ESYT3: variants seen among roughly 807,000 people sequenced by gnomAD.
The protein encoded by ESYT3 is extended synaptotagmin 3, also known as extended synaptotagmin-3.
A neutral mutation model predicts 111.5 loss-of-function variants in ESYT3; 101 were observed. The ratio of observed to expected loss-of-function variants is 0.91; its 90% CI spans 0.77 to 1.07. The LOEUF (loss-of-function observed/expected upper bound fraction) is 1.07. Ranked by LOEUF, ESYT3 falls within the 50% of genes least tolerant of loss-of-function variation. The pLI is 0.00. For missense variants in ESYT3, 1,097 were observed against 1,109.4 expected (o/e 0.99, Z 0.16); for synonymous variants, 416 against 446.8 (o/e 0.93, Z 0.87).
At chr3:138,465,237 G>T in intron 9 of ESYT3, 102 bp from the exon 10 acceptor site, 3 of 798,532 alleles carry the variant, frequency 3.8e-6, no homozygotes, top group Non-Finnish European at 6.2e-6. Context: ...CACTGAGGGG[G>T]TCAGGAACCT....
chr3:138,434,691 C>A lies in ESYT3; in HGVS notation c.-108C>A, dbSNP rs912247035. ...CGAGAGTCCCAGCAGGGCAAGGGGGCGCGGCGTCCTGGTCCTCGAGCTTGG... is the reference window on the plus strand; with the variant it reads ...CGAGAGTCCCAGCAGGGCAAGGGGGAGCGGCGTCCTGGTCCTCGAGCTTGG... On this transcript the variant is annotated 5_prime_UTR_variant, in exon 1 of 23. Transcript: ENST00000389567. 1 of 1,019,774 alleles carries A rather than the reference C, an allele frequency of 9.8e-7. No individual in the cohort carries two copies. The allele number at this position is 1,019,774 out of a possible 1,614,324, so 63.2% of individuals were successfully genotyped here.
At chr3:138,445,204 C>T (rs2031451080) in intron 1 of ESYT3, among the ~76,000 whole-genome samples, 1 of 152,214 alleles carries the variant, frequency 6.6e-6, no homozygotes, top group African/African-American at 2.4e-5. Flanking sequence ...CTAGCTGGTC[C>T]CAGAGACTCC....
intron 15 of ESYT3, 45 bp from the exon 16 acceptor site, chr3:138,470,015 T>C: frequency 6.4e-7 from 1 of 1,564,660 alleles, no homozygotes; most frequent in East Asian, 2.3e-5. Context: ...TATCCAGCTC[T>C]GCCCAACCTA....
chr3:138,460,784 G>A lies in ESYT3; in HGVS notation c.794+118G>A, dbSNP rs978227302. 6.2e-6 allele frequency: 7 copies of A among 1,129,354 alleles called. No individual in the cohort carries two copies. In the African/African-American group the frequency reaches 7.7e-5, roughly 12 times the overall value. 70.0% of individuals were successfully genotyped at this position (1,129,354 alleles called of 1,614,324 possible). Reference sequence around the variant, plus strand: ...TTCCCTCCTGGTGCTCTCTGCAGAGGGAGAAGCATTGGTCTGTTTGGAGTG... The same window carrying A: ...TTCCCTCCTGGTGCTCTCTGCAGAGAGAGAAGCATTGGTCTGTTTGGAGTG... On this transcript the variant is annotated intron_variant, in intron 7 of 22. Transcript: ENST00000389567.
At chr3:138,443,752 G>GTGTT (rs1458950910) in intron 1 of ESYT3, among the ~76,000 whole-genome samples, 7 of 149,236 alleles carry the variant, frequency 4.7e-5, no homozygotes, top group African/African-American at 1.0e-4. Flanking sequence ...GTGTGTGTGT[G>GTGTT]TGTGACATGG....
At position 138,467,562 on chromosome 3, in the gene ESYT3, C is replaced by G. The variant is rs754304273; in HGVS notation, c.1171C>G (p.Leu391Val). Residue 391 changes from leucine to valine, a missense_variant and splice_region_variant, in exon 11 of 23, where the codon CTG becomes GTG. Coordinates refer to ENST00000389567, the MANE Select transcript of ESYT3 (RefSeq NM_031913.5). ...DTDRDDFLGS[L>V]QICLGDVMTN... ...ATCCCCTCTCCCTGTATATTCCAGC[C>G]TGCAGATCTGCCTTGGAGATGTCAT... 4.3e-6 allele frequency: 7 copies of G among 1,614,182 alleles called. No individual in the cohort carries two copies. Among genetic ancestry groups the G allele is most frequent in the Non-Finnish European group, 5.9e-6 (7 of 1,180,022 alleles).
rs770012073 is a variant in ESYT3, at chr3:138,468,206, G to A, written c.1308+12G>A. 1.1e-5 allele frequency: 17 copies of A among 1,613,562 alleles called. No individual in the cohort carries two copies. Among genetic ancestry groups the A allele is most frequent in the South Asian group, 5.5e-5 (5 of 91,074 alleles). ...AAGTTCTGACTGAGGTGAGTGTGGG[G>A]TGTCAAGGGCTCCCTTGCAGAAAGG... On this transcript the variant is annotated intron_variant, in intron 12 of 22. Transcript: ENST00000389567.
rs531019636 is a variant in ESYT3, at chr3:138,468,657, C to T, written c.1311C>T (p.Asp437=). 1 of 1,614,050 alleles carries T rather than the reference C, an allele frequency of 6.2e-7. No homozygotes were observed. The highest frequency in any genetic ancestry group is 8.5e-7 in the Non-Finnish European group (1 of 1,179,996). ...TGAGGGTCTGTGTCTGTTTGCAGGA[C>T]CATGGTGGCCTTTCCACTGCCATTC... is the stretch of plus-strand genomic sequence containing the variant. ...LLTDQEVLTE[D]HGGLSTAILV... is the part of the protein sequence containing the mutation. Residue 437 remains aspartate, a splice_region_variant and synonymous_variant, in exon 13 of 23, where the codon GAC becomes GAT. Coordinates refer to ENST00000389567, the MANE Select transcript of ESYT3 (RefSeq NM_031913.5).
At chr3:138,461,957 G>A in intron 7 of ESYT3, 129 bp from the exon 8 acceptor site, 7 of 1,364,654 alleles carry the variant, frequency 5.1e-6, no homozygotes, top group Non-Finnish European at 5.1e-6. Flanking sequence ...GGCAAGTGGG[G>A]TCAGGGCTGT....
At chr3:138,459,894 A>G (rs1404899352) in intron 5 of ESYT3, 51 bp from the exon 6 acceptor site, 3 of 1,518,410 alleles carry the variant, frequency 2.0e-6, no homozygotes, top group Admixed American at 1.7e-5. Context: ...CCCAGCAGGC[A>G]TGGGGAGAAA....
intron 3 of ESYT3, among the ~76,000 whole-genome samples, chr3:138,455,644 GACAGAT>G (rs2032230153): frequency 6.6e-6 from 1 of 152,216 alleles, no homozygotes; most frequent in Non-Finnish European, 1.5e-5. Context: ...GTGGTAGCCA[GACAGAT>G]ACAAAGATGG....
At chr3:138,444,731 A>C (rs542297329) in intron 1 of ESYT3, among the ~76,000 whole-genome samples, 1 of 152,260 alleles carries the variant, frequency 6.6e-6, no homozygotes, top group African/African-American at 2.4e-5. Flanking sequence ...GGGAAATCAT[A>C]ATATTCTGTT....
rs762084163 is a variant in ESYT3, at chr3:138,476,515, TCA to T, written c.2624+25_2624+26del. 8 of 1,610,890 alleles carry T rather than the reference TCA, an allele frequency of 5.0e-6. No homozygotes were observed. The South Asian group carries it at 8.8e-5, about 18-fold the overall frequency. ...ATGGTAAGTGTGCCCTTTCATTTTATCACTGTTATCCTGCTATTCAAGACAGT... is the reference window on the plus strand; with the variant it reads ...ATGGTAAGTGTGCCCTTTCATTTTATCTGTTATCCTGCTATTCAAGACAGT... On this transcript the variant is annotated intron_variant, in intron 22 of 22. Transcript: ENST00000389567.
Position 138,469,444 on chromosome 3 carries a change from C to A in ESYT3, c.1443C>A (p.Val481=). Reference sequence around the variant, plus strand: ...GATTTGATTCCTCACAGAACAAGGTCAGCAAAGACCCTTCTTCCTATGTCA... The same window carrying A: ...GATTTGATTCCTCACAGAACAAGGTAAGCAAAGACCCTTCTTCCTATGTCA... The part of the protein sequence containing the change: ...KKLSRFARNK[V]SKDPSSYVKL... Residue 481 remains valine, a synonymous_variant, in exon 15 of 23, where the codon GTC becomes GTA. Coordinates refer to ENST00000389567, the MANE Select transcript of ESYT3 (RefSeq NM_031913.5). The A allele has an allele frequency of 6.2e-7, 1 of 1,613,846 alleles. No homozygotes were observed. The highest frequency in any genetic ancestry group is 1.1e-5 in the South Asian group (1 of 91,052).
chr3:138,459,328 GC>G (rs1451440921), intron 5 of ESYT3, 75 bp downstream of exon 5: 3 of 1,232,626 alleles, frequency 2.4e-6, no homozygotes, highest in Non-Finnish European at 3.4e-6. Context: ...GCCAGGTCAT[GC>G]CAGAGTAGGC....
chr3:138,468,288 C>T lies in ESYT3; in HGVS notation c.1308+94C>T, dbSNP rs146065791. The T allele has an allele frequency of 3.7e-4, 430 of 1,174,212 alleles. 7 individuals carry two copies. The African/African-American group carries it at 4.9e-3, about 13-fold the overall frequency. 72.7% of individuals were successfully genotyped at this position (1,174,212 alleles called of 1,614,324 possible). ...TGGAGGAAGGGTGGGAGATGATGCCCCCTTCTTGCTCACCTCCTGAAGAAC... is the reference window on the plus strand; with the variant it reads ...TGGAGGAAGGGTGGGAGATGATGCCTCCTTCTTGCTCACCTCCTGAAGAAC... On this transcript the variant is annotated intron_variant, in intron 12 of 22. Transcript: ENST00000389567.
intron 16 of ESYT3, chr3:138,470,644 A>T: frequency 4.6e-6 from 6 of 1,292,470 alleles, no homozygotes; most frequent in Non-Finnish European, 4.9e-6. Context: ...TGGGCATTTG[A>T]CAGACTAGCT....
intron 2 of ESYT3, among the ~76,000 whole-genome samples, chr3:138,452,925 A>G (rs1553813650): frequency 6.6e-6 from 1 of 152,316 alleles, no homozygotes. Flanking sequence ...GAGTGCATCA[A>G]AAAGCATTCC....
chr3:138,474,500 C>A (rs1184378125), intron 20 of ESYT3, 148 bp downstream of exon 20: 4 of 844,908 alleles, frequency 4.7e-6, no homozygotes, highest in East Asian at 6.2e-5. Context: ...AGCTTCTGTA[C>A]GTTAGTGGGG....
Sources: allele counts gnomAD v4.1 joint callset (sites outside exome capture counted in the v4.1 genomes callset), GRCh38; gene constraint gnomAD v4.1.1; transcripts MANE v1.5; gene names NCBI Gene and HGNC (gene_info 2026-07-23, HGNC 2026-07-21).